Variants in PTGFRN observed in about 807,000 individuals in gnomAD.
PTGFRN encodes the protein prostaglandin F2 receptor inhibitor, also known as prostaglandin F2 receptor negative regulator.
Under a neutral mutation model 83.2 loss-of-function variants are expected in PTGFRN, and 35 were observed. The ratio of observed to expected loss-of-function variants is 0.42; its 90% CI spans 0.32 to 0.56. The LOEUF (loss-of-function observed/expected upper bound fraction) is 0.56. Among genes scored for constraint, PTGFRN ranks in the 20% least tolerant of loss-of-function variants. The probability of loss-of-function intolerance (pLI) is 0.11; values close to 1 mark genes in which losing one functional copy is unlikely to be tolerated. For missense variants in PTGFRN, 1,051 were observed against 1,179.5 expected, an observed-to-expected ratio of 0.89 and a Z score of 1.60; for synonymous variants, 519 against 498.6, an observed-to-expected ratio of 1.04 and a Z score of -0.55.
intron 1 of PTGFRN, among the ~76,000 whole-genome samples, chr1:116,921,814 A>G (rs1649543504): frequency 6.6e-6 from 1 of 152,156 alleles, no homozygotes; most frequent in Non-Finnish European, 1.5e-5. Flanking sequence ...TGGGACTGTC[A>G]CAATTATAGA....
At chr1:116,953,734 A>G (rs757253596) in intron 4 of PTGFRN, among the ~76,000 whole-genome samples, 1 of 152,104 alleles carries the variant, frequency 6.6e-6, no homozygotes. Context: ...GAGGAGCTAG[A>G]GAAAGGGGTT....
intron 7 of PTGFRN, among the ~76,000 whole-genome samples, chr1:116,981,031 A>G (rs756744615): frequency 3.3e-5 from 5 of 152,206 alleles, no homozygotes; most frequent in Non-Finnish European, 7.3e-5. Flanking sequence ...TTAGGAAATC[A>G]TTATAAATTT....
intron 6 of PTGFRN, among the ~76,000 whole-genome samples, chr1:116,969,107 G>A (rs1650920035): frequency 6.8e-6 from 1 of 147,526 alleles, no homozygotes; most frequent in Admixed American, 6.7e-5. Context: ...TTTTGATGAA[G>A]TCCAGTTTAT....
chr1:116,919,132 C>T (rs1649476984), intron 1 of PTGFRN, among the ~76,000 whole-genome samples: 1 of 152,160 alleles, frequency 6.6e-6, no homozygotes, highest in Non-Finnish European at 1.5e-5. Flanking sequence ...AGCATTTATT[C>T]AGAGTTTCTG....
chr1:116,910,355 C>G, intron 1 of PTGFRN, 103 bp downstream of exon 1: 1 of 1,067,578 alleles, frequency 9.4e-7, no homozygotes, highest in Non-Finnish European at 1.2e-6. Flanking sequence ...CCGAGGGTGC[C>G]CGGGCTGCTC....
rs1008709691 is a variant in PTGFRN, at chr1:116,988,882, G to A, written c.*1915G>A. The A allele has an allele frequency of 2.0e-5, 3 of 152,452 alleles. No individual in the cohort carries two copies. Among genetic ancestry groups the A allele is most frequent in the Non-Finnish European group, 2.9e-5 (2 of 68,060 alleles). The allele number at this position is 152,452 out of a possible 1,614,324, so 9.4% of individuals were successfully genotyped here. ...GCCTGAGTGACTAGAGGAAGAGGAC[G>A]AGGCCTTGTTGGCACTAGATTTGGG... On this transcript the variant is annotated 3_prime_UTR_variant, in exon 9 of 9. Transcript: ENST00000393203.
rs748085511 is a variant in PTGFRN, at chr1:116,975,412, G to A, written c.2167+1089G>A. Among the ~76,000 whole-genome samples, 26 of 152,184 alleles carry A rather than the reference G, an allele frequency of 1.7e-4. 1 individual carries two copies. Among genetic ancestry groups the A allele is most frequent in the Admixed American group, 5.9e-4 (9 of 15,280 alleles). On this transcript the variant is annotated intron_variant, in intron 7 of 8. Transcript: ENST00000393203. ...AGCATGCAGCTTGAGATCTGAGAAC[G>A]GACAGACTGCCTCCCCAAGTGGGTC... is the stretch of plus-strand genomic sequence containing the variant.
Position 116,918,424 on chromosome 1 carries a change from T to C in PTGFRN, c.49+8172T>C, listed in dbSNP as rs1649459610. 1.3e-5 allele frequency among the ~76,000 whole-genome samples: 2 copies of C among 152,256 alleles called. No individual in the cohort carries two copies. The highest frequency in any genetic ancestry group is 1.3e-4 in the Admixed American group (2 of 15,284). The stretch of plus-strand genomic sequence containing the variant: ...TAGTGTATGTAAGTTCCTAGAACTC[T>C]GCTACCCCAACTGTGTTCTGTGGAC... On this transcript the variant is annotated intron_variant, in intron 1 of 8. Coordinates refer to ENST00000393203, the MANE Select transcript of PTGFRN (RefSeq NM_020440.4). This position sits in a 1 kb window ranked among gnomAD's most constrained non-coding sequence, Gnocchi z 4.1.
chr1:116,962,079 G>T (rs1156683649), intron 5 of PTGFRN, among the ~76,000 whole-genome samples: 1 of 152,176 alleles, frequency 6.6e-6, no homozygotes, highest in Non-Finnish European at 1.5e-5. Flanking sequence ...GGGCCTAGAG[G>T]TGTGGGGCAG....
At position 116,912,784 on chromosome 1, in the gene PTGFRN, C is replaced by T. The variant is rs539028924; in HGVS notation, c.49+2532C>T. The stretch of plus-strand genomic sequence containing the variant: ...CTGGTCTTCTCTGGCTCAGACACTT[C>T]GTTCCAACTAACCTGTTTGCTCTCC... On this transcript the variant is annotated intron_variant, in intron 1 of 8. Transcript: ENST00000393203. 3.3e-5 allele frequency among the ~76,000 whole-genome samples: 5 copies of T among 152,328 alleles called. No individual in the cohort carries two copies. In the South Asian group the frequency reaches 6.2e-4, roughly 19 times the overall value.
chr1:116,950,390 T>C (rs4480343), intron 4 of PTGFRN, among the ~76,000 whole-genome samples: 15,745 of 152,210 alleles, frequency 0.1, 906 homozygotes, highest in Middle Eastern at 0.18. Context: ...CCCACCTCCA[T>C]TATTACAGAG....
At position 116,967,398 on chromosome 1, in the gene PTGFRN, C is replaced by G. The variant is rs982723152; in HGVS notation, c.2059+68C>G. 22 of 1,472,848 alleles carry G rather than the reference C, an allele frequency of 1.5e-5. 1 individual carries two copies. In the South Asian group the frequency reaches 2.7e-4, roughly 18 times the overall value. The allele number at this position is 1,472,848 out of a possible 1,614,324, so 91.2% of individuals were successfully genotyped here. ...GACCCTAGGGTTTTGATCAGATGCC[C>G]TCATTTTTTAAAACAGCTTTGTTAA... On this transcript the variant is annotated intron_variant, in intron 6 of 8. Coordinates refer to ENST00000393203, the MANE Select transcript of PTGFRN (RefSeq NM_020440.4).
intron 2 of PTGFRN, among the ~76,000 whole-genome samples, chr1:116,943,101 A>G (rs1429752154): frequency 2.0e-5 from 3 of 152,214 alleles, no homozygotes; most frequent in South Asian, 4.1e-4. Flanking sequence ...AAAGTAGAAA[A>G]TGCACATGAT....
chr1:116,917,699 G>A (rs1258849352), intron 1 of PTGFRN, among the ~76,000 whole-genome samples: 3 of 152,066 alleles, frequency 2.0e-5, no homozygotes, highest in South Asian at 4.2e-4. Flanking sequence ...GTGCAATCAC[G>A]GCTCATTGCA....
Position 116,969,120 on chromosome 1 carries a change from GT to G in PTGFRN, c.2059+1804del, listed in dbSNP as rs35570677. 7.1e-3 allele frequency among the ~76,000 whole-genome samples: 969 copies of G among 137,128 alleles called. 6 individuals are homozygous for G. Among genetic ancestry groups the G allele is most frequent in the African/African-American group, 0.018 (682 of 37,542 alleles). The allele number at this position is 137,128 out of a possible 152,430, so 90.0% of individuals were successfully genotyped here. On this transcript the variant is annotated intron_variant, in intron 6 of 8. Coordinates refer to ENST00000393203, the MANE Select transcript of PTGFRN (RefSeq NM_020440.4). ...AATTTTGATGAAGTCCAGTTTATCT[GT>G]TTTTTTTTTTTTTCCTTTTGTTGCT...
At chr1:116,925,187 G>A (rs539993538) in intron 1 of PTGFRN, among the ~76,000 whole-genome samples, 1 of 152,292 alleles carries the variant, frequency 6.6e-6, no homozygotes, top group East Asian at 1.9e-4. Flanking sequence ...CAGCACTTTG[G>A]GAGGCTGAGG....
intron 1 of PTGFRN, among the ~76,000 whole-genome samples, chr1:116,910,633 G>T (rs771384492): frequency 2.0e-5 from 3 of 151,946 alleles, no homozygotes; most frequent in Non-Finnish European, 4.4e-5. Flanking sequence ...CCGGGTCCTC[G>T]GCTCGAGAGC....
intron 1 of PTGFRN, among the ~76,000 whole-genome samples, chr1:116,910,760 A>T (rs1649249748): frequency 1.3e-5 from 2 of 152,076 alleles, no homozygotes; most frequent in South Asian, 4.1e-4. Flanking sequence ...ACTTCCTTCC[A>T]CGAAGGTCAC....
chr1:116,933,774 C>T (rs974836337), intron 1 of PTGFRN, among the ~76,000 whole-genome samples: 2 of 152,168 alleles, frequency 1.3e-5, no homozygotes, highest in Non-Finnish European at 2.9e-5. Context: ...TTCTCATGAG[C>T]ATCATTTCCG....
Sources: allele counts gnomAD v4.1 joint callset (sites outside exome capture counted in the v4.1 genomes callset), GRCh38; gene constraint gnomAD v4.1.1; non-coding constraint Gnocchi (gnomAD v3.1); transcripts MANE v1.5; gene names NCBI Gene and HGNC (gene_info 2026-07-23, HGNC 2026-07-21).